Variants in TTC28 observed in about 807,000 individuals in gnomAD.
The protein encoded by TTC28 is tetratricopeptide repeat domain 28.
In TTC28, 61 loss-of-function variants were observed where a neutral mutation model predicts 198.0. The observed-to-expected ratio is 0.31, with a 90% confidence interval of 0.25 to 0.38. The LOEUF (loss-of-function observed/expected upper bound fraction) is 0.38. Ranked by LOEUF, TTC28 falls within the 10% of genes least tolerant of loss-of-function variation. The pLI, the probability that TTC28 is intolerant of heterozygous loss-of-function variation, is 1.00. For synonymous variants in TTC28, 1,171 were observed against 1,297.8 expected, an observed-to-expected ratio of 0.90 and a Z score of 2.10; for missense variants, 2,678 against 3,164.0, an observed-to-expected ratio of 0.85 and a Z score of 3.69.
intron 2 of TTC28, among the ~76,000 whole-genome samples, chr22:28,402,853 T>C (rs1190044563): frequency 6.6e-6 from 1 of 152,246 alleles, no homozygotes; most frequent in Non-Finnish European, 1.5e-5. Context: ...AGTAAGTCTA[T>C]GCCTCTGTTT....
intron 2 of TTC28, among the ~76,000 whole-genome samples, chr22:28,508,988 C>T (rs2048650298): frequency 1.3e-5 from 2 of 151,914 alleles, no homozygotes; most frequent in South Asian, 2.1e-4. Context: ...GCCAGGAGTT[C>T]GAGACCAGCC....
chr22:28,337,375 G>A (rs1388477665), intron 2 of TTC28, among the ~76,000 whole-genome samples: 2 of 152,176 alleles, frequency 1.3e-5, no homozygotes, highest in Non-Finnish European at 2.9e-5. Context: ...GTAGAGCTGA[G>A]TTCAAGTCCT....
At chr22:28,395,631 CAAACAA>C (rs1569303306) in intron 2 of TTC28, among the ~76,000 whole-genome samples, 1 of 24,642 alleles carries the variant, frequency 4.1e-5, no homozygotes, top group Admixed American at 6.8e-4. Flanking sequence ...AAAAACCAAA[CAAACAA>C]AAAAAAAAAA....
At chr22:28,366,458 T>C (rs893512947) in intron 2 of TTC28, among the ~76,000 whole-genome samples, 5 of 152,102 alleles carry the variant, frequency 3.3e-5, no homozygotes, top group Non-Finnish European at 7.4e-5. Context: ...TCTTAGATCA[T>C]AGCGGTTAGG....
chr22:28,306,477 G>T lies in TTC28; in HGVS notation c.529+19C>A. ...CTTCTTTAAATTAATGTTATACCAA[G>T]TACTTTTATCATATTTACCTCTCAT... On this transcript the variant is annotated intron_variant, in intron 3 of 22. Coordinates refer to ENST00000397906, the MANE Select transcript of TTC28 (RefSeq NM_001145418.2). The T allele has an allele frequency of 6.5e-7, 1 of 1,544,832 alleles. No homozygotes were observed. Among genetic ancestry groups the T allele is most frequent in the Non-Finnish European group, 8.7e-7 (1 of 1,145,046 alleles).
At chr22:28,673,545 G>C (rs1601684598) in intron 1 of TTC28, among the ~76,000 whole-genome samples, 1 of 152,110 alleles carries the variant, frequency 6.6e-6, no homozygotes, top group Admixed American at 6.5e-5. Flanking sequence ...GGACAAATTT[G>C]ATATCAACAT....
At chr22:28,548,022 T>C (rs2049581309) in intron 2 of TTC28, among the ~76,000 whole-genome samples, 1 of 152,108 alleles carries the variant, frequency 6.6e-6, no homozygotes, top group African/African-American at 2.4e-5. Context: ...AACTCTCTTA[T>C]GTCACATAAT....
intron 1 of TTC28, among the ~76,000 whole-genome samples, chr22:28,671,305 GAAT>G (rs1392861169): frequency 1.3e-5 from 2 of 151,936 alleles, no homozygotes; most frequent in Non-Finnish European, 2.9e-5. Flanking sequence ...AATATATTCT[GAAT>G]AATAAGTCCT....
At chr22:28,201,241 T>C (rs1925913642) in intron 5 of TTC28, among the ~76,000 whole-genome samples, 1 of 152,184 alleles carries the variant, frequency 6.6e-6, no homozygotes, top group Admixed American at 6.5e-5. Flanking sequence ...TGAGCATCTA[T>C]GATCTGCCAG....
chr22:28,583,313 TA>T (rs1380625925), intron 2 of TTC28, among the ~76,000 whole-genome samples: 1 of 152,200 alleles, frequency 6.6e-6, no homozygotes, highest in East Asian at 1.9e-4. Flanking sequence ...CTTCAAGAAT[TA>T]AGTAAAAGTT....
At chr22:28,025,179 TGATCTTTTG>T (rs1430736214) in intron 13 of TTC28, among the ~76,000 whole-genome samples, 1 of 152,176 alleles carries the variant, frequency 6.6e-6, no homozygotes, top group African/African-American at 2.4e-5. Flanking sequence ...GGTGGAGATT[TGATCTTTTG>T]GATCTTTTGA....
At chr22:28,265,309 T>C (rs917080254) in intron 5 of TTC28, among the ~76,000 whole-genome samples, 2 of 152,166 alleles carry the variant, frequency 1.3e-5, no homozygotes, top group African/African-American at 4.8e-5. Flanking sequence ...TGTGAGGAAC[T>C]AGTAATTACA....
rs550435638 is a variant in TTC28 at position 28,392,330 on chromosome 22, C to T, written c.382-85687G>A. Among the ~76,000 whole-genome samples, 59 of 152,344 alleles carry T rather than the reference C, an allele frequency of 3.9e-4. No homozygotes were observed. The East Asian group carries it at 9.3e-3, about 24-fold the overall frequency. On this transcript the variant is annotated intron_variant, in intron 2 of 22. Transcript: ENST00000397906. The stretch of plus-strand genomic sequence containing the variant: ...GCCCTGCCCCCAGAGGTGGAGCCTA[C>T]AGAGGCAGGCAGGCCTCCTTGAGTT...
At chr22:27,992,233 C>T (rs1238179656) in intron 19 of TTC28, among the ~76,000 whole-genome samples, 1 of 152,210 alleles carries the variant, frequency 6.6e-6, no homozygotes, top group Admixed American at 6.5e-5. Flanking sequence ...CTCTGTGCCC[C>T]TCTGAGTCAA....
At chr22:28,569,787 G>A (rs1211354582) in intron 2 of TTC28, among the ~76,000 whole-genome samples, 2 of 152,146 alleles carry the variant, frequency 1.3e-5, no homozygotes, top group East Asian at 3.8e-4. Flanking sequence ...TACAGAATGG[G>A]AGAAAATGTT....
chr22:28,370,428 G>A (rs750216863), intron 2 of TTC28, among the ~76,000 whole-genome samples: 7 of 152,012 alleles, frequency 4.6e-5, no homozygotes, highest in Non-Finnish European at 8.8e-5. Context: ...GTTAAACCTC[G>A]AATTCCTACA....
At chr22:28,611,509 T>TTTAA (rs1276146120) in intron 2 of TTC28, among the ~76,000 whole-genome samples, 2 of 143,820 alleles carry the variant, frequency 1.4e-5, no homozygotes, top group Admixed American at 6.8e-5. Flanking sequence ...TTTTTAATTT[T>TTTAA]TTTTTTTTTT....
chr22:28,627,731 C>T (rs1314378488), intron 2 of TTC28, among the ~76,000 whole-genome samples: 1 of 151,924 alleles, frequency 6.6e-6, no homozygotes, highest in Non-Finnish European at 1.5e-5. Flanking sequence ...CCGTGCCCAG[C>T]CCATATACAA....
intron 12 of TTC28, among the ~76,000 whole-genome samples, chr22:28,050,935 G>T (rs1330127087): frequency 6.6e-6 from 1 of 152,044 alleles, no homozygotes; most frequent in East Asian, 1.9e-4. Context: ...GGGGGTGTGT[G>T]GTAGCTTTAT....
Sources: gnomAD v4.1 joint callset for allele counts (sites outside exome capture counted in the v4.1 genomes callset) on GRCh38, gnomAD v4.1.1 for gene constraint, MANE v1.5 for transcripts, NCBI Gene and HGNC (gene_info 2026-07-23, HGNC 2026-07-21) for gene names.